The following SLC2A3 variants were observed in gnomAD, a reference collection of about 807,000 sequenced individuals.
SLC2A3 encodes the protein solute carrier family 2 member 3.
SLC2A3 carries 21 observed loss-of-function variants against 46.4 expected under a neutral mutation model. That is an observed-to-expected ratio of 0.45 (90% CI 0.32 to 0.65). SLC2A3 has a LOEUF of 0.65. Among genes scored for constraint, SLC2A3 ranks in the 30% least tolerant of loss-of-function variants. SLC2A3 has a pLI of 0.04. For missense variants in SLC2A3, 499 were observed against 623.3 expected, an observed-to-expected ratio of 0.80 and a Z score of 2.12; for synonymous variants, 213 against 239.4, an observed-to-expected ratio of 0.89 and a Z score of 1.02.
intron 6 of SLC2A3, among the ~76,000 whole-genome samples, chr12:7,928,105 CAA>C (rs757613163): frequency 4.0e-5 from 6 of 150,914 alleles, no homozygotes; most frequent in Non-Finnish European, 8.9e-5. Flanking sequence ...GACTTCACCT[CAA>C]AAAAAGGATG....
chr12:7,933,694 G>T, intron 2 of SLC2A3, 116 bp downstream of exon 2: 1 of 1,074,520 alleles, frequency 9.3e-7, no homozygotes, highest in South Asian at 1.5e-5. Context: ...CTCAGGAGTA[G>T]CTGGGACTCC....
At chr12:7,925,458 G>A (rs1037028675) in intron 7 of SLC2A3, 6 of 167,132 alleles carry the variant, frequency 3.6e-5, no homozygotes, top group African/African-American at 7.2e-5. Context: ...ACACCTAGAT[G>A]GTGTCCACTA....
intron 3 of SLC2A3, among the ~76,000 whole-genome samples, chr12:7,931,826 T>A (rs139207719): frequency 6.1e-4 from 92 of 151,744 alleles, no homozygotes; most frequent in African/African-American, 2.0e-3. Flanking sequence ...AACAGGTTGC[T>A]TTACCGATTT....
intron 6 of SLC2A3, among the ~76,000 whole-genome samples, chr12:7,928,166 G>A (rs779731969): frequency 2.0e-5 from 3 of 152,068 alleles, no homozygotes; most frequent in African/African-American, 4.8e-5. Flanking sequence ...TAGGAAGGCC[G>A]TGGCAGGCGG....
At chr12:7,927,294 A>G (rs1016825431) in intron 6 of SLC2A3, among the ~76,000 whole-genome samples, 2 of 152,128 alleles carry the variant, frequency 1.3e-5, no homozygotes, top group South Asian at 4.1e-4. Flanking sequence ...GAAATATATT[A>G]GGCTAGTGCA....
At chr12:7,925,196 T>C (rs1170965345) in intron 7 of SLC2A3, among the ~76,000 whole-genome samples, 1 of 152,214 alleles carries the variant, frequency 6.6e-6, no homozygotes, top group African/African-American at 2.4e-5. Context: ...TTCTGTGCTT[T>C]AAAATATCCT....
chr12:7,931,550 C>T lies in SLC2A3; in HGVS notation c.270-65G>A. The T allele has an allele frequency of 1.3e-6, 2 of 1,593,052 alleles. 1 individual carries two copies. The highest frequency in any genetic ancestry group is 1.7e-6 in the Non-Finnish European group (2 of 1,167,448). ...GAGAGGCTCCTAACTTCTCCTCTGT[C>T]CTCATTATTCTGTTCTTCTCCAGGC... is the stretch of plus-strand genomic sequence containing the variant. On this transcript the variant is annotated intron_variant, in intron 3 of 9. Coordinates refer to ENST00000075120, the MANE Select transcript of SLC2A3 (RefSeq NM_006931.3).
intron 6 of SLC2A3, among the ~76,000 whole-genome samples, chr12:7,928,258 C>T (rs1200569905): frequency 6.6e-6 from 1 of 151,592 alleles, no homozygotes; most frequent in East Asian, 1.9e-4. Flanking sequence ...ATTAGCCAGG[C>T]ATGGTGGCAC....
intron 3 of SLC2A3, 193 bp downstream of exon 3, chr12:7,932,794 G>A (rs1214231602): frequency 2.9e-6 from 2 of 699,302 alleles, no homozygotes; most frequent in Non-Finnish European, 4.6e-6. Flanking sequence ...GCACAGCTGG[G>A]TGGGAGCTCT....
At chr12:7,929,588 C>T (rs1946130871) in intron 6 of SLC2A3, 96 bp downstream of exon 6, 1 of 1,514,154 alleles carries the variant, frequency 6.6e-7, no homozygotes, top group South Asian at 1.3e-5. Flanking sequence ...CCTCAGCCTC[C>T]TGAGTAGCTG....
intron 3 of SLC2A3, among the ~76,000 whole-genome samples, chr12:7,932,147 T>C (rs1325753780): frequency 6.6e-6 from 1 of 151,692 alleles, no homozygotes; most frequent in South Asian, 2.1e-4. Flanking sequence ...CCCAAAGTGC[T>C]GGGATTACAG....
At chr12:7,926,679 A>T (rs926064038) in intron 6 of SLC2A3, among the ~76,000 whole-genome samples, 1 of 152,102 alleles carries the variant, frequency 6.6e-6, no homozygotes, top group African/African-American at 2.4e-5. Context: ...TGCTTTTTTA[A>T]TTGGCTCTTC....
chr12:7,919,426 A>G lies in SLC2A3; in HGVS notation c.*1987T>C, dbSNP rs76062060. 6.8e-6 allele frequency: 1 copy of G among 146,388 alleles called. No homozygotes were observed. Among genetic ancestry groups the G allele is most frequent in the East Asian group, 2.0e-4 (1 of 5,042 alleles). The allele number at this position is 146,388 out of a possible 1,614,324, so 9.1% of individuals were successfully genotyped here. A position where few individuals can be genotyped will look rare whatever the true frequency, so the allele number is the denominator to read the frequency against. On this transcript the variant is annotated 3_prime_UTR_variant, in exon 10 of 10. Transcript: ENST00000075120. Reference sequence around the variant, plus strand: ...TAAAGCACACTTGATAGCTATGTGCATTTTTTTTTTTTTGAGACGGAGTCT... The same window carrying G: ...TAAAGCACACTTGATAGCTATGTGCGTTTTTTTTTTTTTGAGACGGAGTCT...
chr12:7,922,016 CTATT>C (rs1161280750), intron 9 of SLC2A3, among the ~76,000 whole-genome samples: 1 of 150,664 alleles, frequency 6.6e-6, no homozygotes, highest in Non-Finnish European at 1.5e-5. Flanking sequence ...AACTCCATCT[CTATT>C]TATGAATTTT....
chr12:7,933,510 T>TCG (rs1206088480), intron 2 of SLC2A3: 1 of 464,964 alleles, frequency 2.2e-6, no homozygotes, highest in Non-Finnish European at 3.9e-6. Flanking sequence ...GCTTTGTGCT[T>TCG]CGATTAGATG....
chr12:7,925,782 CTT>C (rs1315123829), intron 7 of SLC2A3, 60 bp downstream of exon 7: 10 of 1,299,192 alleles, frequency 7.7e-6, no homozygotes, highest in African/African-American at 2.9e-5. Flanking sequence ...TGCAATCCAT[CTT>C]TGAACATCTG....
Position 7,929,701 on chromosome 12 carries a change from G to C in SLC2A3, c.844C>G (p.Leu282Val). ...ACACTCACAGCATTGATCCCAGAGA[G>C]CTGCTGAGAGAGCTGGAGCACAATG... ...ISIVLQLSQQ[L>V]SGINAVFYYS... Residue 282 changes from leucine (L) to valine (V), a missense_variant, in exon 6 of 10, where the codon CTC (leucine) becomes GTC (valine). Transcript: ENST00000075120. 1 of 1,613,428 alleles carries C rather than the reference G, an allele frequency of 6.2e-7. No individual in the cohort carries two copies. The highest frequency in any genetic ancestry group is 1.7e-4 in the Middle Eastern group (1 of 6,054).
intron 6 of SLC2A3, 149 bp from the exon 7 acceptor site, chr12:7,926,097 T>C: frequency 3.1e-6 from 2 of 652,444 alleles, no homozygotes; most frequent in South Asian, 3.7e-5. Flanking sequence ...AAATGAATTA[T>C]CTTCTGTATC....
chr12:7,922,547 C>T (rs1346632917), intron 9 of SLC2A3, among the ~76,000 whole-genome samples: 3 of 152,060 alleles, frequency 2.0e-5, no homozygotes, highest in African/African-American at 7.2e-5. Context: ...CTGCAACCTC[C>T]ACCTCCCAGG....
Sources: allele counts gnomAD v4.1 joint callset (sites outside exome capture counted in the v4.1 genomes callset), GRCh38; gene constraint gnomAD v4.1.1; transcripts MANE v1.5; gene names NCBI Gene and HGNC (gene_info 2026-07-23, HGNC 2026-07-21).